Variants in ARHGAP15 observed in about 807,000 individuals in gnomAD.
ARHGAP15 encodes rho GTPase-activating protein 15.
In ARHGAP15, 51 loss-of-function variants were observed where a neutral mutation model predicts 63.7. The ratio of observed to expected loss-of-function variants is 0.80; its 90% CI spans 0.64 to 1.01. The LOEUF is 1.01. Ranked by LOEUF, ARHGAP15 falls within the 50% of genes least tolerant of loss-of-function variation. The pLI is 0.00. For missense variants in ARHGAP15, 560 were observed against 564.6 expected, an observed-to-expected ratio of 0.99 and a Z score of 0.08; for synonymous variants, 191 against 193.8, an observed-to-expected ratio of 0.99 and a Z score of 0.12.
intron 4 of ARHGAP15, among the ~76,000 whole-genome samples, chr2:143,219,856 G>C (rs991162072): frequency 6.6e-6 from 1 of 152,128 alleles, no homozygotes; most frequent in African/African-American, 2.4e-5. Context: ...TGCATTCTGA[G>C]TCTATTCATA....
chr2:143,471,683 A>G (rs1691585700), intron 8 of ARHGAP15, among the ~76,000 whole-genome samples: 1 of 152,164 alleles, frequency 6.6e-6, no homozygotes, highest in Non-Finnish European at 1.5e-5. Context: ...TGTTCAGGTC[A>G]GAGGAAGAAG....
At chr2:143,548,784 A>C (rs969521884) in intron 10 of ARHGAP15, among the ~76,000 whole-genome samples, 2 of 151,630 alleles carry the variant, frequency 1.3e-5, no homozygotes, top group African/African-American at 4.9e-5. Flanking sequence ...ATTAAAAAGA[A>C]AAACTTGTTG....
intron 2 of ARHGAP15, among the ~76,000 whole-genome samples, chr2:143,201,267 G>A (rs1231320079): frequency 6.6e-6 from 1 of 151,356 alleles, no homozygotes; most frequent in Admixed American, 6.6e-5. Context: ...ATAGGTGTGT[G>A]CCACCATGCC....
intron 6 of ARHGAP15, among the ~76,000 whole-genome samples, chr2:143,346,058 T>C (rs1685259579): frequency 6.6e-6 from 1 of 152,058 alleles, no homozygotes; most frequent in Non-Finnish European, 1.5e-5. Flanking sequence ...AAAAACACTA[T>C]TGAAATTGAG....
At chr2:143,672,218 T>C (rs1342421245) in intron 12 of ARHGAP15, among the ~76,000 whole-genome samples, 1 of 152,106 alleles carries the variant, frequency 6.6e-6, no homozygotes, top group Non-Finnish European at 1.5e-5. Flanking sequence ...TAAGGTCTGG[T>C]AAAAGTAAAG....
At chr2:143,653,274 T>A (rs1419634473) in intron 12 of ARHGAP15, among the ~76,000 whole-genome samples, 3 of 152,140 alleles carry the variant, frequency 2.0e-5, no homozygotes, top group Admixed American at 2.0e-4. Context: ...AAATTTTCTT[T>A]AGAATTTTCA....
intron 6 of ARHGAP15, among the ~76,000 whole-genome samples, chr2:143,301,267 A>G (rs1682882755): frequency 6.6e-6 from 1 of 152,040 alleles, no homozygotes. Flanking sequence ...TCTCTACACT[A>G]ATAATGTTTT....
At chr2:143,697,529 C>G (rs1178933464) in intron 12 of ARHGAP15, among the ~76,000 whole-genome samples, 1 of 152,158 alleles carries the variant, frequency 6.6e-6, no homozygotes, top group Non-Finnish European at 1.5e-5. Context: ...AAAATTCTAA[C>G]CCAGTCTTTT....
chr2:143,632,673 A>C (rs1370071218), intron 12 of ARHGAP15, among the ~76,000 whole-genome samples: 2 of 152,168 alleles, frequency 1.3e-5, no homozygotes, highest in Admixed American at 6.5e-5. Context: ...TCAGATAAAA[A>C]TAATACATTG....
intron 6 of ARHGAP15, among the ~76,000 whole-genome samples, chr2:143,319,957 A>G (rs1007108457): frequency 6.6e-6 from 1 of 152,196 alleles, no homozygotes; most frequent in African/African-American, 2.4e-5. Context: ...AGACTAAGTC[A>G]TGCTGTTTAT....
At chr2:143,671,286 G>A (rs1269083795) in intron 12 of ARHGAP15, among the ~76,000 whole-genome samples, 2 of 151,924 alleles carry the variant, frequency 1.3e-5, no homozygotes, top group East Asian at 3.9e-4. Flanking sequence ...TTTGCTTCTA[G>A]GTATGCATGT....
intron 6 of ARHGAP15, among the ~76,000 whole-genome samples, chr2:143,315,445 T>G (rs1228748051): frequency 1.3e-5 from 2 of 152,184 alleles, no homozygotes; most frequent in East Asian, 3.8e-4. Context: ...GATATACATG[T>G]GGCTCCCAAG....
At chr2:143,323,910 A>C (rs1315318555) in intron 6 of ARHGAP15, among the ~76,000 whole-genome samples, 3 of 150,460 alleles carry the variant, frequency 2.0e-5, no homozygotes, top group East Asian at 1.9e-4. Context: ...AAAAAAAAAA[A>C]AAAAAAAAAA....
chr2:143,381,000 A>T (rs1687033229), intron 6 of ARHGAP15, among the ~76,000 whole-genome samples: 1 of 152,186 alleles, frequency 6.6e-6, no homozygotes, highest in Non-Finnish European at 1.5e-5. Context: ...TGGTGTGTGA[A>T]TGACACGTTA....
At chr2:143,490,748 T>TAG (rs900046224) in intron 9 of ARHGAP15, among the ~76,000 whole-genome samples, 3 of 152,026 alleles carry the variant, frequency 2.0e-5, no homozygotes, top group African/African-American at 4.8e-5. Flanking sequence ...AGCTCCTGAG[T>TAG]AGCTGGGATT....
At chr2:143,753,898 G>A (rs976107110) in intron 13 of ARHGAP15, among the ~76,000 whole-genome samples, 2 of 152,164 alleles carry the variant, frequency 1.3e-5, no homozygotes, top group Admixed American at 1.3e-4. Context: ...AGGCCCTTAA[G>A]TTCTCAAACA....
intron 6 of ARHGAP15, among the ~76,000 whole-genome samples, chr2:143,421,727 T>C (rs2105053529): frequency 6.6e-6 from 1 of 150,458 alleles, no homozygotes; most frequent in South Asian, 2.1e-4. Flanking sequence ...TTCAATTATA[T>C]GATATATATA....
At chr2:143,462,383 A>G (rs1188612503) in intron 8 of ARHGAP15, among the ~76,000 whole-genome samples, 1 of 152,206 alleles carries the variant, frequency 6.6e-6, no homozygotes, top group Admixed American at 6.5e-5. Flanking sequence ...AAAAGACTAC[A>G]AAGAAGAAAT....
At chr2:143,466,382 C>A (rs1182335104) in intron 8 of ARHGAP15, among the ~76,000 whole-genome samples, 1 of 150,520 alleles carries the variant, frequency 6.6e-6, no homozygotes, top group Non-Finnish European at 1.5e-5. Flanking sequence ...ATGGAAAAGA[C>A]AGCTTGGGTT....
Sources: allele counts gnomAD v4.1 joint callset (sites outside exome capture counted in the v4.1 genomes callset), GRCh38; gene constraint gnomAD v4.1.1; transcripts MANE v1.5; gene names NCBI Gene and HGNC (gene_info 2026-07-23, HGNC 2026-07-21).